Variants in ERC1 observed in about 807,000 individuals in gnomAD.
The protein encoded by ERC1 is RAB6 interacting protein 2.
Under a neutral mutation model 132.0 loss-of-function variants are expected in ERC1, and 56 were observed. That is an observed-to-expected ratio of 0.42 (90% CI 0.34 to 0.53). The LOEUF is 0.53. Ranked by LOEUF, ERC1 falls within the 20% of genes least tolerant of loss-of-function variation. The pLI, the probability that ERC1 is intolerant of heterozygous loss-of-function variation, is 0.03. For missense variants in ERC1, 1,202 were observed against 1,349.9 expected, an observed-to-expected ratio of 0.89 and a Z score of 1.72; for synonymous variants, 478 against 476.1, an observed-to-expected ratio of 1.00 and a Z score of -0.05.
rs1163197513 is a variant in ERC1, at chr12:1,494,112, G to A, written c.*3882G>A. 3.9e-5 allele frequency: 9 copies of A among 232,020 alleles called. No homozygotes were observed. Among genetic ancestry groups the A allele is most frequent in the Admixed American group, 1.1e-4 (2 of 17,728 alleles). 14.4% of individuals were successfully genotyped at this position (232,020 alleles called of 1,614,324 possible). A position where few individuals can be genotyped will look rare whatever the true frequency, so the allele number is the denominator to read the frequency against. ...AGCAGAGAAGACCGCTGCGTGGAGTGTGACACCACATGGCATTTCTCAAGC... is the reference window on the plus strand; with the variant it reads ...AGCAGAGAAGACCGCTGCGTGGAGTATGACACCACATGGCATTTCTCAAGC... On this transcript the variant is annotated 3_prime_UTR_variant, in exon 19 of 19. Coordinates refer to ENST00000360905, the MANE Select transcript of ERC1 (RefSeq NM_178040.4).
At chr12:1,201,418 T>C (rs1358016920) in intron 12 of ERC1, among the ~76,000 whole-genome samples, 1 of 152,222 alleles carries the variant, frequency 6.6e-6, no homozygotes, top group Non-Finnish European at 1.5e-5. Flanking sequence ...TCTAAATTAA[T>C]ATTATTTTGT....
intron 18 of ERC1, among the ~76,000 whole-genome samples, chr12:1,478,992 T>C (rs1470969637): frequency 6.6e-6 from 1 of 152,226 alleles, no homozygotes; most frequent in African/African-American, 2.4e-5. Flanking sequence ...CATCATGAAT[T>C]GATTTTTGTT....
chr12:1,208,071 A>T (rs1957507805), intron 12 of ERC1, among the ~76,000 whole-genome samples: 1 of 152,180 alleles, frequency 6.6e-6, no homozygotes, highest in Non-Finnish European at 1.5e-5. Flanking sequence ...ACTTCACCTC[A>T]TAACAACTAT....
intron 2 of ERC1, among the ~76,000 whole-genome samples, chr12:1,056,737 C>A (rs1973043437): frequency 6.6e-6 from 1 of 152,138 alleles, no homozygotes; most frequent in African/African-American, 2.4e-5. Context: ...TTGAACATAC[C>A]TGGCCCCCAG....
chr12:1,282,960 A>G (rs1157893699), intron 14 of ERC1, among the ~76,000 whole-genome samples: 6 of 152,200 alleles, frequency 3.9e-5, no homozygotes, highest in Non-Finnish European at 5.9e-5. Context: ...AAGATTTTCC[A>G]TACGCATCTT....
At chr12:1,423,026 AGC>A (rs1392928432) in intron 17 of ERC1, among the ~76,000 whole-genome samples, 1 of 152,216 alleles carries the variant, frequency 6.6e-6, no homozygotes, top group Non-Finnish European at 1.5e-5. Context: ...AGGCTAAGGC[AGC>A]TCCAATGCCC....
At chr12:1,113,088 A>G (rs1946066019) in intron 6 of ERC1, among the ~76,000 whole-genome samples, 2 of 152,142 alleles carry the variant, frequency 1.3e-5, no homozygotes, top group South Asian at 4.1e-4. Flanking sequence ...TTTACATTGT[A>G]TTACGTATTA....
chr12:1,288,353 G>A (rs2079176855), intron 14 of ERC1, among the ~76,000 whole-genome samples: 1 of 152,180 alleles, frequency 6.6e-6, no homozygotes, highest in African/African-American at 2.4e-5. Context: ...GACCTCAGGT[G>A]ATCCACCGGC....
At chr12:1,440,368 C>G (rs548653369) in intron 17 of ERC1, among the ~76,000 whole-genome samples, 11 of 149,794 alleles carry the variant, frequency 7.3e-5, no homozygotes, top group Non-Finnish European at 1.6e-4. Flanking sequence ...CCACGCCCGG[C>G]TAATTTTTTT....
intron 17 of ERC1, among the ~76,000 whole-genome samples, chr12:1,437,382 C>G (rs2092978412): frequency 6.6e-6 from 1 of 152,156 alleles, no homozygotes; most frequent in African/African-American, 2.4e-5. Context: ...GGTGAATGAC[C>G]TGGTTTTAAT....
At chr12:1,219,920 T>A (rs1289882528) in intron 12 of ERC1, among the ~76,000 whole-genome samples, 1 of 152,198 alleles carries the variant, frequency 6.6e-6, no homozygotes, top group East Asian at 1.9e-4. Context: ...GTTAAAACCT[T>A]CCTGTGTTCT....
At chr12:1,269,278 G>A (rs565732178) in intron 14 of ERC1, among the ~76,000 whole-genome samples, 1 of 152,348 alleles carries the variant, frequency 6.6e-6, no homozygotes, top group Admixed American at 6.5e-5. Context: ...TTTCTTGAAA[G>A]TTGGAGGGTT....
intron 14 of ERC1, among the ~76,000 whole-genome samples, chr12:1,267,172 C>G (rs929247009): frequency 6.6e-6 from 1 of 152,234 alleles, no homozygotes; most frequent in African/African-American, 2.4e-5. Context: ...GCCCCCTAAC[C>G]TGTGTGAGCA....
At chr12:1,374,818 G>T (rs1375002723) in intron 16 of ERC1, among the ~76,000 whole-genome samples, 13 of 140,598 alleles carry the variant, frequency 9.2e-5, no homozygotes, top group Non-Finnish European at 2.0e-4. Context: ...TTCAGGACAG[G>T]CTGGGATTTT....
intron 1 of ERC1, among the ~76,000 whole-genome samples, chr12:1,002,727 G>T (rs1962644824): frequency 6.6e-6 from 1 of 152,184 alleles, no homozygotes. Context: ...TGGTGGATTT[G>T]TAGTAGTATC....
At chr12:1,004,689 G>A (rs927927051) in intron 1 of ERC1, among the ~76,000 whole-genome samples, 2 of 151,904 alleles carry the variant, frequency 1.3e-5, no homozygotes, top group Non-Finnish European at 2.9e-5. Flanking sequence ...ACAGGTGTGA[G>A]CCACCATGCT....
intron 13 of ERC1, among the ~76,000 whole-genome samples, chr12:1,248,019 T>C (rs76678359): frequency 0.018 from 2,811 of 152,168 alleles, 45 homozygotes; most frequent in Non-Finnish European, 0.03. Context: ...ATAAAAAGGA[T>C]GTAGCTAATC....
chr12:990,494 T>C (rs539527642), upstream of ERC1: 3 of 152,198 alleles, frequency 2.0e-5, no homozygotes, highest in East Asian at 1.9e-4. Context: ...GAAGCAGCGT[T>C]TGGCACAGCG....
chr12:1,259,043 T>C (rs2076979645), intron 13 of ERC1, among the ~76,000 whole-genome samples: 1 of 152,204 alleles, frequency 6.6e-6, no homozygotes, highest in Non-Finnish European at 1.5e-5. Flanking sequence ...GATTTCTTCA[T>C]AGTGCAAGAT....
Sources: gnomAD v4.1 joint callset for allele counts (sites outside exome capture counted in the v4.1 genomes callset) on GRCh38, gnomAD v4.1.1 for gene constraint, MANE v1.5 for transcripts, NCBI Gene and HGNC (gene_info 2026-07-23, HGNC 2026-07-21) for gene names.